Variants in GYPC observed in about 807,000 individuals in gnomAD.
GYPC encodes glycophorin-C.
GYPC carries 14 observed loss-of-function variants against 12.6 expected under a neutral mutation model. That is an observed-to-expected ratio of 1.11 (90% confidence interval 0.74 to 1.74). The LOEUF (loss-of-function observed/expected upper bound fraction) is 1.74. Ranked by LOEUF, GYPC falls within the 40% of genes most tolerant of loss-of-function variation. The pLI is 0.00. For synonymous variants in GYPC, 78 were observed against 62.1 expected, an observed-to-expected ratio of 1.26 and a Z score of -1.20; for missense variants, 225 against 172.1, an observed-to-expected ratio of 1.31 and a Z score of -1.72.
chr2:126,690,283 C>T lies in GYPC; in HGVS notation c.78C>T (p.Ser26=). 1 of 1,612,910 alleles carries T rather than the reference C, an allele frequency of 6.2e-7. No homozygotes were observed. Among genetic ancestry groups the T allele is most frequent in the Non-Finnish European group, 8.5e-7 (1 of 1,178,862 alleles). Residue 26 remains serine (S), a synonymous_variant, in exon 2 of 4, where the codon TCC becomes TCT. Coordinates refer to ENST00000259254, the MANE Select transcript of GYPC (RefSeq NM_002101.5). ...LEPDPGMASA[S]TTMHTTTIAE... is the part of the protein sequence containing the mutation. The stretch of plus-strand genomic sequence containing the variant: ...CTGATCCGGGGATGGCCTCTGCCTC[C>T]ACCACAATGCATACTACCACCATTG...
chr2:126,661,538 C>G (rs1296808779), intron 1 of GYPC, among the ~76,000 whole-genome samples: 1 of 151,570 alleles, frequency 6.6e-6, no homozygotes, highest in Non-Finnish European at 1.5e-5. Flanking sequence ...CTGCAACCTG[C>G]GTCTCCTGGG....
intron 1 of GYPC, chr2:126,685,942 C>T: frequency 2.0e-6 from 2 of 985,330 alleles, no homozygotes; most frequent in Non-Finnish European, 2.4e-6. Flanking sequence ...CATCCTCACT[C>T]TCAACTCCCC....
In GYPC at chr2:126,695,196, G is replaced by C. The variant is rs143738005; in HGVS notation, c.191-750G>C. ...TAATAGCCTCATCTTTTTTCCCCCTGTATAGTGTACATAGAGCAACCAGCT... is the reference window on the plus strand; with the variant it reads ...TAATAGCCTCATCTTTTTTCCCCCTCTATAGTGTACATAGAGCAACCAGCT... On this transcript the variant is annotated intron_variant, in intron 3 of 3. Transcript: ENST00000259254. 9.4e-3 allele frequency among the ~76,000 whole-genome samples: 1,429 copies of C among 152,244 alleles called. 11 individuals carry two copies. Among genetic ancestry groups the C allele is most frequent in the Non-Finnish European group, 0.014 (963 of 68,008 alleles).
intron 1 of GYPC, among the ~76,000 whole-genome samples, chr2:126,677,277 G>A (rs1683017750): frequency 6.6e-6 from 1 of 151,964 alleles, no homozygotes; most frequent in Non-Finnish European, 1.5e-5. Flanking sequence ...GAGTGCATGT[G>A]AGAGTGTGTG....
intron 1 of GYPC, among the ~76,000 whole-genome samples, chr2:126,682,763 C>A (rs1374920087): frequency 2.0e-5 from 3 of 152,172 alleles, no homozygotes; most frequent in African/African-American, 7.2e-5. Flanking sequence ...ACAGTCTGGG[C>A]GTTGTCTTAA....
At chr2:126,685,825 C>A in intron 1 of GYPC, 1 of 985,046 alleles carries the variant, frequency 1.0e-6, no homozygotes, top group Middle Eastern at 5.2e-4. Flanking sequence ...TTTGTCATTG[C>A]AGGAAGTCTC....
chr2:126,694,854 C>G (rs10174393), intron 3 of GYPC, among the ~76,000 whole-genome samples: 92,662 of 150,114 alleles, frequency 0.62, 29,670 homozygotes, highest in African/African-American at 0.79. Context: ...TCAAAACACC[C>G]CCACCCCATG....
chr2:126,677,548 A>AGTCTGTGTGTATGT (rs1683039185), intron 1 of GYPC, among the ~76,000 whole-genome samples: 1 of 144,476 alleles, frequency 6.9e-6, no homozygotes, highest in African/African-American at 2.6e-5. Flanking sequence ...TGTGTATGTG[A>AGTCTGTGTGTATGT]GTGTGTGTAT....
intron 2 of GYPC, among the ~76,000 whole-genome samples, chr2:126,693,154 C>G (rs1683526915): frequency 6.6e-6 from 1 of 152,240 alleles, no homozygotes; most frequent in Non-Finnish European, 1.5e-5. Flanking sequence ...GGGCAGATCC[C>G]TCATGCATAC....
At chr2:126,659,417 T>C (rs971549055) in intron 1 of GYPC, among the ~76,000 whole-genome samples, 1 of 152,200 alleles carries the variant, frequency 6.6e-6, no homozygotes, top group Non-Finnish European at 1.5e-5. Context: ...TGGGTTTGAC[T>C]GCCCTCCAAT....
intron 1 of GYPC, among the ~76,000 whole-genome samples, chr2:126,685,641 T>C (rs1022437977): frequency 2.0e-5 from 3 of 152,106 alleles, no homozygotes; most frequent in African/African-American, 7.2e-5. Flanking sequence ...CACCTCAGCC[T>C]CCCAAAGTTG....
At chr2:126,658,116 T>G (rs1682423103) in intron 1 of GYPC, 1 of 151,906 alleles carries the variant, frequency 6.6e-6, no homozygotes, top group Non-Finnish European at 1.5e-5. Context: ...ATGGAAGGGG[T>G]CAAGGCTCAG....
chr2:126,662,100 T>C (rs2104769980), intron 1 of GYPC, among the ~76,000 whole-genome samples: 1 of 152,324 alleles, frequency 6.6e-6, no homozygotes, highest in South Asian at 2.1e-4. Flanking sequence ...ACTGCCACTC[T>C]TCCTCCTTGA....
intron 1 of GYPC, among the ~76,000 whole-genome samples, chr2:126,685,676 C>T (rs946295015): frequency 6.6e-6 from 1 of 152,208 alleles, no homozygotes; most frequent in African/African-American, 2.4e-5. Context: ...AGCCACTGCA[C>T]CCGGCCTGGT....
At chr2:126,685,694 C>A (rs984594428) in intron 1 of GYPC, 10 of 796,964 alleles carry the variant, frequency 1.3e-5, no homozygotes, top group African/African-American at 9.3e-5. Context: ...GGTAAATTGA[C>A]TTTTCTAACC....
chr2:126,694,136 C>T (rs1303284198), intron 3 of GYPC, among the ~76,000 whole-genome samples, 189 bp downstream of exon 3: 8 of 152,036 alleles, frequency 5.3e-5, no homozygotes, highest in East Asian at 1.9e-4. Flanking sequence ...ATGCATACAT[C>T]GTACGTATCT....
At chr2:126,693,606 G>A (rs1266574109) in intron 2 of GYPC, among the ~76,000 whole-genome samples, 1 of 152,144 alleles carries the variant, frequency 6.6e-6, no homozygotes, top group Admixed American at 6.6e-5. Flanking sequence ...CAGGCATTAG[G>A]CAGATAACTC....
intron 1 of GYPC, among the ~76,000 whole-genome samples, chr2:126,681,044 A>G (rs1207970194): frequency 6.6e-6 from 1 of 152,244 alleles, no homozygotes; most frequent in Admixed American, 6.5e-5. Flanking sequence ...CTGAAGATTC[A>G]TCCCCGTTTC....
chr2:126,683,139 G>A (rs1340953386), intron 1 of GYPC, among the ~76,000 whole-genome samples: 8 of 152,148 alleles, frequency 5.3e-5, no homozygotes. Context: ...GCAACATGGC[G>A]AAAAACCCAT....
Sources: gnomAD v4.1 joint callset for allele counts (sites outside exome capture counted in the v4.1 genomes callset) on GRCh38, gnomAD v4.1.1 for gene constraint, MANE v1.5 for transcripts, NCBI Gene and HGNC (gene_info 2026-07-23, HGNC 2026-07-21) for gene names.